The following B3GALT1 variants were observed in gnomAD, a reference collection of about 807,000 sequenced individuals.
B3GALT1 encodes the protein UDP-Gal:betaGlcNAc beta 1,3-galactosyltransferase, polypeptide 1.
B3GALT1 carries 10 observed loss-of-function variants against 23.2 expected under a neutral mutation model. The ratio of observed to expected loss-of-function variants is 0.43; its 90% CI spans 0.27 to 0.73. The LOEUF is 0.73. B3GALT1 is among the 30% of genes least tolerant of loss of function. B3GALT1 has a pLI of 0.21. For synonymous variants in B3GALT1, 156 were observed against 141.5 expected, an observed-to-expected ratio of 1.10 and a Z score of -0.73; for missense variants, 299 against 405.4, an observed-to-expected ratio of 0.74 and a Z score of 2.25.
chr2:167,400,256 A>G (rs1162168050), intron 1 of B3GALT1, among the ~76,000 whole-genome samples: 2 of 151,220 alleles, frequency 1.3e-5, no homozygotes, highest in Non-Finnish European at 2.9e-5. Context: ...AAGCTAGGTG[A>G]GCCATTTCAA....
rs189702598 is a variant in B3GALT1 at position 167,524,136 on chromosome 2, A to G, written c.-410+33859A>G. Among the ~76,000 whole-genome samples, 18 of 152,262 alleles carry G rather than the reference A, an allele frequency of 1.2e-4. No individual in the cohort carries two copies. The East Asian group carries it at 1.9e-3, about 16-fold the overall frequency. On this transcript the variant is annotated intron_variant, in intron 2 of 4. Coordinates refer to ENST00000392690, the MANE Select transcript of B3GALT1 (RefSeq NM_020981.4). Reference sequence around the variant, plus strand: ...TCCTTACCAGCATACCACATCGAACATTTTTATTTTTGCCCATGAGAAGCA... The same window carrying G: ...TCCTTACCAGCATACCACATCGAACGTTTTTATTTTTGCCCATGAGAAGCA...
intron 2 of B3GALT1, among the ~76,000 whole-genome samples, chr2:167,552,761 T>C (rs191662525): frequency 6.6e-6 from 1 of 152,336 alleles, no homozygotes; most frequent in East Asian, 1.9e-4. Context: ...ACTAGTGAGC[T>C]TTTCCTGAAA....
chr2:167,489,439 G>A (rs1699673607), intron 1 of B3GALT1, among the ~76,000 whole-genome samples: 2 of 152,196 alleles, frequency 1.3e-5, no homozygotes, highest in Non-Finnish European at 1.5e-5. Flanking sequence ...CAGTCAGTTT[G>A]CAGGCAGTGG....
At chr2:167,298,835 A>G (rs12104788) in intron 1 of B3GALT1, among the ~76,000 whole-genome samples, 5,671 of 152,152 alleles carry the variant, frequency 0.037, 267 homozygotes, top group African/African-American at 0.11. Context: ...AAAATGCTTA[A>G]GAAAATTTAA....
At chr2:167,305,583 GCCTT>G in intron 1 of B3GALT1, among the ~76,000 whole-genome samples, 1 of 152,134 alleles carries the variant, frequency 6.6e-6, no homozygotes, top group Non-Finnish European at 1.5e-5. Flanking sequence ...TGATTATCTT[GCCTT>G]CCTTGTCTTC....
At chr2:167,400,602 A>G (rs1338505396) in intron 1 of B3GALT1, among the ~76,000 whole-genome samples, 1 of 152,082 alleles carries the variant, frequency 6.6e-6, no homozygotes, top group Non-Finnish European at 1.5e-5. Context: ...ACTTGCAGAA[A>G]TTTGTTGCAG....
chr2:167,359,667 T>C (rs1181158465), intron 1 of B3GALT1, among the ~76,000 whole-genome samples: 1 of 152,212 alleles, frequency 6.6e-6, no homozygotes, highest in Non-Finnish European at 1.5e-5. Flanking sequence ...CTTTTTCTTT[T>C]GTCCATTCAA....
chr2:167,363,499 G>T (rs1355772909), intron 1 of B3GALT1, among the ~76,000 whole-genome samples: 3 of 151,962 alleles, frequency 2.0e-5, no homozygotes, highest in Non-Finnish European at 4.4e-5. Flanking sequence ...CTGGTAAATC[G>T]TCCAGTACAT....
intron 2 of B3GALT1, among the ~76,000 whole-genome samples, chr2:167,570,064 T>C (rs964783425): frequency 6.6e-6 from 1 of 151,918 alleles, no homozygotes; most frequent in African/African-American, 2.4e-5. Flanking sequence ...TTGCATTTGG[T>C]TTGCTAATAT....
chr2:167,871,514 T>C lies in B3GALT1; in HGVS notation c.*1494T>C, dbSNP rs1298552018. On this transcript the variant is annotated 3_prime_UTR_variant, in exon 5 of 5. Coordinates refer to ENST00000392690, the MANE Select transcript of B3GALT1 (RefSeq NM_020981.4). ...CTGTAATTTAGGTGTTTGGGAAGGCTTCCATTTCTCTGAGATTTCTTCTGG... is the reference window on the plus strand; with the variant it reads ...CTGTAATTTAGGTGTTTGGGAAGGCCTCCATTTCTCTGAGATTTCTTCTGG... 6.6e-6 allele frequency: 1 copy of C among 152,188 alleles called. No individual in the cohort carries two copies. The highest frequency in any genetic ancestry group is 1.5e-5 in the Non-Finnish European group (1 of 68,034). The allele number at this position is 152,188 out of a possible 1,614,324, so 9.4% of individuals were successfully genotyped here. A position where few individuals can be genotyped will look rare whatever the true frequency, so the allele number is the denominator to read the frequency against.
chr2:167,821,367 A>G (rs1235628065), intron 4 of B3GALT1, among the ~76,000 whole-genome samples: 1 of 151,190 alleles, frequency 6.6e-6, no homozygotes, highest in Non-Finnish European at 1.5e-5. Context: ...ACGATATCCA[A>G]TTTATCTTCT....
At chr2:167,762,013 T>A (rs1687905698) in intron 3 of B3GALT1, among the ~76,000 whole-genome samples, 1 of 152,222 alleles carries the variant, frequency 6.6e-6, no homozygotes, top group East Asian at 1.9e-4. Flanking sequence ...GAGTAAGAAT[T>A]CCAGATTTGA....
intron 3 of B3GALT1, among the ~76,000 whole-genome samples, chr2:167,676,480 TACAC>T (rs529954890): frequency 6.7e-6 from 1 of 149,330 alleles, no homozygotes; most frequent in African/African-American, 2.5e-5. Context: ...TATATATATA[TACAC>T]ACACACACAC....
intron 2 of B3GALT1, among the ~76,000 whole-genome samples, chr2:167,561,331 T>C (rs1001522744): frequency 4.6e-5 from 7 of 152,100 alleles, no homozygotes; most frequent in Non-Finnish European, 1.5e-5. Context: ...TTTATAGGAC[T>C]AAATGCCCAC....
At chr2:167,725,477 C>T (rs1232100320) in intron 3 of B3GALT1, among the ~76,000 whole-genome samples, 1 of 152,130 alleles carries the variant, frequency 6.6e-6, no homozygotes, top group Non-Finnish European at 1.5e-5. Flanking sequence ...CCAAATACTC[C>T]AAATTTCTTA....
At chr2:167,369,280 C>T (rs1440888191) in intron 1 of B3GALT1, among the ~76,000 whole-genome samples, 5 of 152,082 alleles carry the variant, frequency 3.3e-5, no homozygotes, top group African/African-American at 4.8e-5. Context: ...GGCCTTGCCT[C>T]TTACTATCTC....
chr2:167,632,290 A>G (rs1391763702), intron 2 of B3GALT1, among the ~76,000 whole-genome samples: 1 of 152,096 alleles, frequency 6.6e-6, no homozygotes, highest in Non-Finnish European at 1.5e-5. Flanking sequence ...AATGATTTAT[A>G]ATCCTTCAGG....
chr2:167,303,944 G>C (rs1238787454), intron 1 of B3GALT1, among the ~76,000 whole-genome samples: 1 of 151,900 alleles, frequency 6.6e-6, no homozygotes, highest in East Asian at 1.9e-4. Context: ...GCTTTCACTG[G>C]GTTGGGGAGA....
chr2:167,365,585 T>TACACACACAC lies in B3GALT1; in HGVS notation c.-511+72282_-511+72291dup, dbSNP rs10683932. 8.5e-4 allele frequency among the ~76,000 whole-genome samples: 120 copies of TACACACACAC among 140,474 alleles called. 1 individual carries two copies. Among genetic ancestry groups the TACACACACAC allele is most frequent in the South Asian group, 4.0e-3 (17 of 4,248 alleles). 92.2% of individuals were successfully genotyped at this position (140,474 alleles called of 152,430 possible). ...TGCATATTCATAATAGAGATACAAA[T>TACACACACAC]ACACACACACACACACACACACACA... On this transcript the variant is annotated intron_variant, in intron 1 of 4. Transcript: ENST00000392690.
Sources: gnomAD v4.1 joint callset for allele counts (sites outside exome capture counted in the v4.1 genomes callset) on GRCh38, gnomAD v4.1.1 for gene constraint, MANE v1.5 for transcripts, NCBI Gene and HGNC (gene_info 2026-07-23, HGNC 2026-07-21) for gene names.